The following FOCAD variants were observed in gnomAD, a reference collection of about 807,000 sequenced individuals.
FOCAD encodes the protein focadhesin, also known as KIAA1797.
Under a neutral mutation model 225.6 loss-of-function variants are expected in FOCAD, and 198 were observed. That is an observed-to-expected ratio of 0.88 (90% CI 0.78 to 0.99). The LOEUF (loss-of-function observed/expected upper bound fraction) is 0.99, where lower values mean the gene tolerates loss of function less well. FOCAD is among the 50% of genes least tolerant of loss of function. The pLI is 0.00. For missense variants in FOCAD, 2,713 were observed against 2,123.6 expected (o/e 1.28, Z -5.46); for synonymous variants, 897 against 755.0 (o/e 1.19, Z -3.08).
rs1423228307 is a variant in FOCAD at position 20,867,026 on chromosome 9, C to T, written c.2190+14C>T. On this transcript the variant is annotated intron_variant, in intron 18 of 43. Coordinates refer to ENST00000338382, the MANE Select transcript of FOCAD (RefSeq NM_001375567.1). ...CTGCCTGAAAAGGTAGGCATATCTG[C>T]TTTCTCACTGGTATTTCTTAATTTG... 3 of 1,507,370 alleles carry T rather than the reference C, an allele frequency of 2.0e-6. No individual in the cohort carries two copies. Among genetic ancestry groups the T allele is most frequent in the Non-Finnish European group, 2.7e-6 (3 of 1,103,110 alleles). The allele number at this position is 1,507,370 out of a possible 1,614,324, so 93.4% of individuals were successfully genotyped here. A position where few individuals can be genotyped will look rare whatever the true frequency, so the allele number is the denominator to read the frequency against.
chr9:20,726,518 C>T (rs538748552), intron 4 of FOCAD: 7 of 152,154 alleles, frequency 4.6e-5, no homozygotes, highest in East Asian at 1.9e-4. Flanking sequence ...GACCTGCATT[C>T]GAGGTATTTG....
chr9:20,693,926 G>A (rs1005455954), intron 1 of FOCAD, among the ~76,000 whole-genome samples: 1 of 152,194 alleles, frequency 6.6e-6, no homozygotes, highest in African/African-American at 2.4e-5. Flanking sequence ...GGCCAGGCCA[G>A]TCTCGAACTC....
intron 2 of FOCAD, among the ~76,000 whole-genome samples, chr9:20,665,596 A>T (rs749916045): frequency 6.6e-6 from 1 of 152,232 alleles, no homozygotes; most frequent in Non-Finnish European, 1.5e-5. Context: ...GAAAAGAGTA[A>T]ATATGTTGGT....
chr9:20,927,276 G>A (rs1835043781), intron 26 of FOCAD, among the ~76,000 whole-genome samples: 1 of 151,916 alleles, frequency 6.6e-6, no homozygotes, highest in African/African-American at 2.4e-5. Flanking sequence ...GAGTCTTTTT[G>A]TCCTGATTTA....
At chr9:20,715,232 T>C (rs1207260371) in intron 1 of FOCAD, 90 bp from the exon 2 acceptor site, 2 of 501,888 alleles carry the variant, frequency 4.0e-6, no homozygotes, top group Non-Finnish European at 6.7e-6. Context: ...TTGGAATGGA[T>C]TACATTCACA....
At position 20,804,121 on chromosome 9, in the gene FOCAD, T is replaced by G. The variant is rs531004705; in HGVS notation, c.1455+14513T>G. On this transcript the variant is annotated intron_variant, in intron 11 of 43. Transcript: ENST00000338382. ...CACACCTTTTCCTTTGGTTTCCACTTTAAATTTTTTTTGTGTGTTCCTGAG... is the reference window on the plus strand; with the variant it reads ...CACACCTTTTCCTTTGGTTTCCACTGTAAATTTTTTTTGTGTGTTCCTGAG... 1.8e-4 allele frequency among the ~76,000 whole-genome samples: 27 copies of G among 152,234 alleles called. 1 individual carries two copies. The highest frequency in any genetic ancestry group is 3.3e-4 in the Admixed American group (5 of 15,294).
intron 11 of FOCAD, 119 bp downstream of exon 11, chr9:20,789,727 T>C: frequency 7.6e-7 from 1 of 1,315,604 alleles, no homozygotes; most frequent in Non-Finnish European, 1.0e-6. Flanking sequence ...TGATGATTTT[T>C]TTTTTTTTTG....
chr9:20,875,251 A>G (rs1830137161), intron 19 of FOCAD: 2 of 158,124 alleles, frequency 1.3e-5, no homozygotes, highest in Non-Finnish European at 2.8e-5. Context: ...GATGTTACTG[A>G]TATTTATTTC....
At chr9:20,962,544 C>T (rs953507307) in intron 35 of FOCAD, among the ~76,000 whole-genome samples, 4 of 152,020 alleles carry the variant, frequency 2.6e-5, no homozygotes, top group African/African-American at 9.7e-5. Flanking sequence ...AATATGCTAG[C>T]GATGGAAAAT....
At chr9:20,846,211 C>T (rs1368355792) in intron 15 of FOCAD, among the ~76,000 whole-genome samples, 2 of 152,082 alleles carry the variant, frequency 1.3e-5, no homozygotes, top group Admixed American at 1.3e-4. Flanking sequence ...AGGGCTGAAA[C>T]TAAGAAATCA....
rs1348048868 is a variant in FOCAD, at chr9:20,948,850, G to C, written c.3799-1G>C. On this transcript the variant is annotated splice_acceptor_variant, in intron 31 of 43. Coordinates refer to ENST00000338382, the MANE Select transcript of FOCAD (RefSeq NM_001375567.1). LOFTEE classifies it high-confidence loss of function. Reference sequence around the variant, plus strand: ...TTCATATTCTGATGCTTTGTTTTCAGGGCACTCCCACAATGCTTTGTCTGG... The same window carrying C: ...TTCATATTCTGATGCTTTGTTTTCACGGCACTCCCACAATGCTTTGTCTGG... 10 of 1,613,262 alleles carry C rather than the reference G, an allele frequency of 6.2e-6. No homozygotes were observed. Among genetic ancestry groups the C allele is most frequent in the Non-Finnish European group, 7.6e-6 (9 of 1,179,442 alleles).
intron 24 of FOCAD, among the ~76,000 whole-genome samples, chr9:20,923,255 G>A (rs1333474174): frequency 7.9e-5 from 12 of 152,118 alleles, no homozygotes; most frequent in Admixed American, 7.2e-4. Flanking sequence ...GCCAAAGATT[G>A]TTCTATTCTG....
At chr9:20,690,906 A>ATTT (rs34441239) in intron 1 of FOCAD, among the ~76,000 whole-genome samples, 19,409 of 141,118 alleles carry the variant, frequency 0.14, 1,556 homozygotes, top group Non-Finnish European at 0.19. Flanking sequence ...ACCTGTCAGC[A>ATTT]TTTTTTTTTT....
rs1837386823 is a variant in FOCAD, at chr9:20,948,407, G to T, written c.3798+14G>T. The stretch of plus-strand genomic sequence containing the variant: ...GTTCTAACAGAGGTAGAGGTCACCT[G>T]TTGTATGCTATTTCATATTTTTATA... On this transcript the variant is annotated intron_variant, in intron 31 of 43. Transcript: ENST00000338382. 6.2e-7 allele frequency: 1 copy of T among 1,603,182 alleles called. No homozygotes were observed. The highest frequency in any genetic ancestry group is 2.2e-5 in the East Asian group (1 of 44,668).
intron 2 of FOCAD, among the ~76,000 whole-genome samples, chr9:20,679,199 G>A (rs1822326868): frequency 6.6e-6 from 1 of 151,414 alleles, no homozygotes; most frequent in African/African-American, 2.4e-5. Flanking sequence ...TGGTGCAGGG[G>A]AGGGAGATCA....
intron 15 of FOCAD, among the ~76,000 whole-genome samples, chr9:20,847,674 C>T (rs1389835383): frequency 2.6e-5 from 4 of 151,884 alleles, no homozygotes; most frequent in African/African-American, 9.7e-5. Flanking sequence ...TTAGGTTTTC[C>T]ATGTAGAAGA....
intron 23 of FOCAD, among the ~76,000 whole-genome samples, chr9:20,913,658 A>G (rs572480422): frequency 6.6e-6 from 1 of 152,328 alleles, no homozygotes; most frequent in East Asian, 1.9e-4. Context: ...TGGCTCATGT[A>G]GAAAAGGAGA....
At chr9:20,907,086 G>A in intron 21 of FOCAD, 64 bp from the exon 22 acceptor site, 4 of 1,308,802 alleles carry the variant, frequency 3.1e-6, no homozygotes, top group Non-Finnish European at 4.4e-6. Flanking sequence ...TGATGAAACA[G>A]TTTTAATTTT....
intron 30 of FOCAD, 93 bp from the exon 31 acceptor site, chr9:20,948,178 C>A: frequency 8.6e-7 from 1 of 1,160,074 alleles, no homozygotes; most frequent in Non-Finnish European, 1.2e-6. Context: ...GGAAAGTTAG[C>A]ACTAAAAGTG....
Sources: allele counts gnomAD v4.1 joint callset (sites outside exome capture counted in the v4.1 genomes callset), GRCh38; gene constraint gnomAD v4.1.1; transcripts MANE v1.5; gene names NCBI Gene and HGNC (gene_info 2026-07-23, HGNC 2026-07-21).